RABGAP1L: variants seen among roughly 807,000 people sequenced by gnomAD.
RABGAP1L encodes RAB GTPase activating protein 1 like, also known as rab GTPase-activating protein 1-like.
In RABGAP1L, 63 loss-of-function variants were observed where a neutral mutation model predicts 137.7. The ratio of observed to expected loss-of-function variants is 0.46; its 90% CI spans 0.37 to 0.56. RABGAP1L has a LOEUF of 0.56. RABGAP1L is among the 20% of genes least tolerant of loss of function. The pLI is 0.00. For missense variants in RABGAP1L, 1,095 were observed against 1,244.0 expected, an observed-to-expected ratio of 0.88 and a Z score of 1.80; for synonymous variants, 431 against 433.7, an observed-to-expected ratio of 0.99 and a Z score of 0.08.
chr1:174,206,134 A>G (rs1026261025), intron 1 of RABGAP1L, among the ~76,000 whole-genome samples: 10 of 152,200 alleles, frequency 6.6e-5, no homozygotes, highest in South Asian at 2.1e-4. Flanking sequence ...AGATTCATCT[A>G]TTTGGCTGTG....
Position 174,747,871 on chromosome 1 carries a change from C to CTTT in RABGAP1L, c.2170-4431_2170-4429dup, listed in dbSNP as rs5778811. On this transcript the variant is annotated intron_variant, in intron 17 of 25. Transcript: ENST00000681986. ...GGACCCAGAGAGCTATGCATTTTAT[C>CTTT]TTTTTTTTTTTTTAATATATGTCTT... Among the ~76,000 whole-genome samples the CTTT allele has an allele frequency of 2.1e-5, 3 of 146,130 alleles. No homozygotes were observed. The East Asian group carries it at 6.1e-4, about 30-fold the overall frequency.
At chr1:174,557,442 A>T (rs1163076126) in intron 13 of RABGAP1L, among the ~76,000 whole-genome samples, 1 of 152,160 alleles carries the variant, frequency 6.6e-6, no homozygotes, top group Admixed American at 6.5e-5. Flanking sequence ...TCTTCTCCTT[A>T]CTTCTGTGAC....
chr1:174,517,925 A>G (rs1663012933), intron 13 of RABGAP1L, among the ~76,000 whole-genome samples: 1 of 152,120 alleles, frequency 6.6e-6, no homozygotes, highest in African/African-American at 2.4e-5. Context: ...AATGTTTTTA[A>G]AGCTAGTTAA....
chr1:174,387,211 T>A (rs1686866683), intron 12 of RABGAP1L, among the ~76,000 whole-genome samples: 1 of 152,346 alleles, frequency 6.6e-6, no homozygotes, highest in East Asian at 1.9e-4. Flanking sequence ...CTTTTTTTCC[T>A]GTAAAACAAG....
chr1:174,874,371 A>T, intron 19 of RABGAP1L: 1 of 638,688 alleles, frequency 1.6e-6, no homozygotes, highest in Non-Finnish European at 1.9e-6. Flanking sequence ...GACCATGAGG[A>T]AACTGAAACC....
chr1:174,829,019 C>T (rs1187001717), intron 19 of RABGAP1L, among the ~76,000 whole-genome samples: 4 of 147,626 alleles, frequency 2.7e-5, no homozygotes, highest in African/African-American at 7.4e-5. Context: ...AAATAAGAAA[C>T]TTGGCACAAT....
chr1:174,936,804 T>C (rs1014666195), intron 19 of RABGAP1L, among the ~76,000 whole-genome samples: 1 of 152,136 alleles, frequency 6.6e-6, no homozygotes, highest in Non-Finnish European at 1.5e-5. Flanking sequence ...CCCATGTTTA[T>C]ATAAATCACT....
At chr1:174,313,661 C>T (rs943858905) in intron 11 of RABGAP1L, among the ~76,000 whole-genome samples, 2 of 152,050 alleles carry the variant, frequency 1.3e-5, no homozygotes, top group African/African-American at 4.8e-5. Flanking sequence ...TCATATATGG[C>T]TTTTATTATG....
intron 21 of RABGAP1L, among the ~76,000 whole-genome samples, chr1:174,970,505 AG>A (rs1670039404): frequency 6.6e-6 from 1 of 152,228 alleles, no homozygotes; most frequent in Non-Finnish European, 1.5e-5. Flanking sequence ...TGGCAAATGT[AG>A]TTGGTAATAT....
At chr1:174,408,511 G>C (rs1649534634) in intron 13 of RABGAP1L, among the ~76,000 whole-genome samples, 1 of 146,820 alleles carries the variant, frequency 6.8e-6, no homozygotes, top group Non-Finnish European at 1.5e-5. Context: ...ATTGTGAATA[G>C]TGCTGCAGTG....
chr1:174,940,136 AG>A (rs1363026174), intron 19 of RABGAP1L, among the ~76,000 whole-genome samples: 6 of 152,222 alleles, frequency 3.9e-5, no homozygotes, highest in African/African-American at 4.8e-5. Context: ...TCCCATGACT[AG>A]GAAAACTTGT....
intron 15 of RABGAP1L, among the ~76,000 whole-genome samples, chr1:174,696,798 C>T (rs1460529596): frequency 6.6e-6 from 1 of 152,172 alleles, no homozygotes; most frequent in Non-Finnish European, 1.5e-5. Flanking sequence ...CTCTTCCATG[C>T]CTTCTTCCTT....
chr1:174,958,041 A>T, intron 20 of RABGAP1L: 2 of 1,532,304 alleles, frequency 1.3e-6, no homozygotes, highest in Non-Finnish European at 8.8e-7. Flanking sequence ...TTAGCTGTGC[A>T]TGTCATATCC....
At chr1:174,704,516 A>T (rs927616352) in intron 17 of RABGAP1L, among the ~76,000 whole-genome samples, 1 of 152,212 alleles carries the variant, frequency 6.6e-6, no homozygotes, top group Non-Finnish European at 1.5e-5. Context: ...GTAAGCATGT[A>T]AGAGTTTTAA....
chr1:174,377,220 GATAT>G (rs147194283), intron 12 of RABGAP1L, among the ~76,000 whole-genome samples: 13,694 of 152,048 alleles, frequency 0.09, 823 homozygotes, highest in East Asian at 0.22. Context: ...AATAAATGAA[GATAT>G]ATGCTATGTT....
chr1:174,508,726 G>A (rs565453933), intron 13 of RABGAP1L, among the ~76,000 whole-genome samples: 1 of 152,226 alleles, frequency 6.6e-6, no homozygotes, highest in South Asian at 2.1e-4. Flanking sequence ...TCATGGAAAT[G>A]ATTGTCCTTT....
At chr1:174,539,960 T>C (rs188819333) in intron 13 of RABGAP1L, among the ~76,000 whole-genome samples, 1 of 152,196 alleles carries the variant, frequency 6.6e-6, no homozygotes, top group South Asian at 2.1e-4. Flanking sequence ...ACCTATTGTT[T>C]CCTGACTTTT....
chr1:174,852,815 C>CA (rs71117583), intron 19 of RABGAP1L, among the ~76,000 whole-genome samples: 87,493 of 143,222 alleles, frequency 0.61, 28,443 homozygotes, highest in East Asian at 0.93. Context: ...GATTTGGTCT[C>CA]AAAAAAAAAA....
At chr1:174,974,075 G>A (rs768502442) in intron 21 of RABGAP1L, among the ~76,000 whole-genome samples, 7 of 135,812 alleles carry the variant, frequency 5.2e-5, no homozygotes, top group African/African-American at 8.0e-5. Context: ...TGCAAGCTCC[G>A]CCTCCTGGTT....
Sources: allele counts gnomAD v4.1 joint callset (sites outside exome capture counted in the v4.1 genomes callset), GRCh38; gene constraint gnomAD v4.1.1; transcripts MANE v1.5; gene names NCBI Gene and HGNC (gene_info 2026-07-23, HGNC 2026-07-21).